The following ARMC9 variants were observed in gnomAD, a reference collection of about 807,000 sequenced individuals.
ARMC9 encodes the protein armadillo repeat containing 9.
In ARMC9, 94 loss-of-function variants were observed where a neutral mutation model predicts 107.0. The observed-to-expected ratio is 0.88, with a 90% CI of 0.74 to 1.04. The LOEUF (loss-of-function observed/expected upper bound fraction) is 1.04. ARMC9 is among the 50% of genes least tolerant of loss of function. ARMC9 has a pLI of 0.00. For missense variants in ARMC9, 942 were observed against 1,030.1 expected (o/e 0.91, Z 1.17); for synonymous variants, 380 against 396.9 (o/e 0.96, Z 0.51).
At chr2:231,258,773 C>T (rs928520200) in intron 10 of ARMC9, among the ~76,000 whole-genome samples, 2 of 152,102 alleles carry the variant, frequency 1.3e-5, no homozygotes, top group African/African-American at 4.8e-5. Flanking sequence ...AAATGTTAAA[C>T]AGAACCTAAG....
In ARMC9 at chr2:231,358,001, T is replaced by A. The variant is rs1333699315; in HGVS notation, c.2131+2067T>A. ...GCTTGGAGTAGATTCCATTCTGACCTTCTTTCAGACAGGCCTGCCCACGGC... is the reference window on the plus strand; with the variant it reads ...GCTTGGAGTAGATTCCATTCTGACCATCTTTCAGACAGGCCTGCCCACGGC... On this transcript the variant is annotated intron_variant, in intron 22 of 24. Coordinates refer to ENST00000611582, the MANE Select transcript of ARMC9 (RefSeq NM_001352754.2). The surrounding 1 kb of genome is among the most constrained non-coding windows in gnomAD (Gnocchi z 4.5). Among the ~76,000 whole-genome samples, 1 of 152,208 alleles carries A rather than the reference T, an allele frequency of 6.6e-6. No homozygotes were observed. The highest frequency in any genetic ancestry group is 1.5e-5 in the Non-Finnish European group (1 of 68,030).
chr2:231,331,562 C>G (rs1247758443), intron 19 of ARMC9, among the ~76,000 whole-genome samples: 2 of 152,124 alleles, frequency 1.3e-5, no homozygotes, highest in African/African-American at 4.8e-5. Flanking sequence ...GTGGAGGCTC[C>G]CTAGCTCCCT....
rs113556309 is a variant in ARMC9, at chr2:231,374,791, T to G, written c.*3256T>G. 1 of 152,316 alleles carries G rather than the reference T, an allele frequency of 6.6e-6. No homozygotes were observed. Among genetic ancestry groups the G allele is most frequent in the African/African-American group, 2.4e-5 (1 of 41,578 alleles). The allele number at this position is 152,316 out of a possible 1,614,324, so 9.4% of individuals were successfully genotyped here. ...GGGACGTGGACCAGAGATACCAATT[T>G]GATTTTTTTTAAATATTACATTAAA... On this transcript the variant is annotated 3_prime_UTR_variant, in exon 25 of 25. Transcript: ENST00000611582.
intron 23 of ARMC9, among the ~76,000 whole-genome samples, chr2:231,361,718 C>T (rs771332306): frequency 6.6e-6 from 1 of 152,138 alleles, no homozygotes; most frequent in Non-Finnish European, 1.5e-5. Context: ...TGCCCCTCAC[C>T]ACTTCCTCCT....
chr2:231,341,570 G>C (rs530375252), intron 20 of ARMC9, among the ~76,000 whole-genome samples: 6 of 152,276 alleles, frequency 3.9e-5, no homozygotes, highest in Non-Finnish European at 8.8e-5. Flanking sequence ...TGCTAACAGT[G>C]TCTGCCTCCC....
intron 1 of ARMC9, among the ~76,000 whole-genome samples, chr2:231,202,628 A>T (rs1393761065): frequency 3.3e-5 from 5 of 151,792 alleles, no homozygotes; most frequent in Non-Finnish European, 7.4e-5. Flanking sequence ...AGCCTGTTTC[A>T]CTTCTAATCA....
At position 231,207,181 on chromosome 2, in the gene ARMC9, T is replaced by C. The variant is rs181055383; in HGVS notation, c.51+892T>C. On this transcript the variant is annotated intron_variant, in intron 2 of 24. Transcript: ENST00000611582. Reference sequence around the variant, plus strand: ...CACCATGCTCAGCTAGGTTTTATTCTAATTTTTGTAGAGATAGGATCTCAC... The same window carrying C: ...CACCATGCTCAGCTAGGTTTTATTCCAATTTTTGTAGAGATAGGATCTCAC... Among the ~76,000 whole-genome samples the C allele has an allele frequency of 9.2e-5, 14 of 152,180 alleles. No individual in the cohort carries two copies. The East Asian group carries it at 2.7e-3, about 30-fold the overall frequency.
Position 231,205,660 on chromosome 2 carries a change from A to C in ARMC9, c.-41-538A>C, listed in dbSNP as rs72983657. Among the ~76,000 whole-genome samples, 749 of 152,302 alleles carry C rather than the reference A, an allele frequency of 4.9e-3. 6 individuals are homozygous for C. Among genetic ancestry groups the C allele is most frequent in the Non-Finnish European group, 7.0e-3 (478 of 68,034 alleles). On this transcript the variant is annotated intron_variant, in intron 1 of 24. Transcript: ENST00000611582. ...ATTTCCTAGTGCCGCTGAACAAATGACCATAAACTGAGTGGTGTCAAGCAA... is the reference window on the plus strand; with the variant it reads ...ATTTCCTAGTGCCGCTGAACAAATGCCCATAAACTGAGTGGTGTCAAGCAA...
intron 20 of ARMC9, among the ~76,000 whole-genome samples, chr2:231,335,712 CT>C (rs2044043990): frequency 6.6e-6 from 1 of 152,194 alleles, no homozygotes; most frequent in Non-Finnish European, 1.5e-5. Context: ...AGACTGCTGA[CT>C]TTCCTCCTGC....
At position 231,360,765 on chromosome 2, in the gene ARMC9, G is replaced by A. The variant is rs748686282; in HGVS notation, c.2143G>A (p.Ala715Thr). The A allele has an allele frequency of 3.5e-5, 53 of 1,536,164 alleles. No individual in the cohort carries two copies. The highest frequency in any genetic ancestry group is 1.2e-4 in the South Asian group (10 of 84,066). The stretch of plus-strand genomic sequence containing the variant: ...CTCCTCCTCCCCAGCAGCCATCATC[G>A]CCAAGCCAGGAGAGTGGCTCCCAAG... ...SCVSSSSAII[A>T]KPGEWLPRGR... Residue 715 changes from alanine to threonine, a missense_variant, in exon 23 of 25, where the codon GCC becomes ACC. Transcript: ENST00000611582. The surrounding 1 kb of genome is among the most constrained non-coding windows in gnomAD (Gnocchi z 4.7).
In ARMC9 at chr2:231,267,420, G is replaced by A. The variant is rs553569440; in HGVS notation, c.1120-3562G>A. Among the ~76,000 whole-genome samples the A allele has an allele frequency of 2.0e-5, 3 of 152,166 alleles. No individual in the cohort carries two copies. In the South Asian group the frequency reaches 6.2e-4, roughly 32 times the overall value. On this transcript the variant is annotated intron_variant, in intron 12 of 24. Coordinates refer to ENST00000611582, the MANE Select transcript of ARMC9 (RefSeq NM_001352754.2). ...TAATTGTTGTATTTTTATTGGAGATGGGGTTTCGCCATGTTGGCCAGGCTG... is the reference window on the plus strand; with the variant it reads ...TAATTGTTGTATTTTTATTGGAGATAGGGTTTCGCCATGTTGGCCAGGCTG...
chr2:231,245,055 G>GA (rs1466986388), intron 9 of ARMC9, among the ~76,000 whole-genome samples: 2 of 152,338 alleles, frequency 1.3e-5, no homozygotes, highest in East Asian at 3.9e-4. Flanking sequence ...CCGTGTTATC[G>GA]AAGCTGGCAC....
intron 8 of ARMC9, among the ~76,000 whole-genome samples, chr2:231,236,761 TG>T (rs1057236872): frequency 1.4e-4 from 22 of 152,170 alleles, no homozygotes; most frequent in Admixed American, 1.4e-3. Flanking sequence ...CCGGCCAACA[TG>T]GCGAAACCCC....
chr2:231,276,220 C>CT (rs1339565573), intron 14 of ARMC9, among the ~76,000 whole-genome samples: 1 of 151,414 alleles, frequency 6.6e-6, no homozygotes, highest in Admixed American at 6.6e-5. Flanking sequence ...TCCTCAGAGT[C>CT]TATGTCTTCT....
In ARMC9 at chr2:231,344,859, T is replaced by G. The variant is rs578164023; in HGVS notation, c.1879-116T>G. 41 of 1,060,394 alleles carry G rather than the reference T, an allele frequency of 3.9e-5. 1 individual carries two copies. In the South Asian group the frequency reaches 5.9e-4, roughly 15 times the overall value. 65.7% of individuals were successfully genotyped at this position (1,060,394 alleles called of 1,614,324 possible). ...ATTTGTGACATGATCCTTCCTCATT[T>G]ATTTGCAAAGCTTCTTATCATTATA... On this transcript the variant is annotated intron_variant, in intron 20 of 24. Coordinates refer to ENST00000611582, the MANE Select transcript of ARMC9 (RefSeq NM_001352754.2).
intron 8 of ARMC9, among the ~76,000 whole-genome samples, chr2:231,237,775 ATATATATTTTTTTTTTTTTTT>A (rs1420100541): frequency 1.5e-4 from 6 of 40,786 alleles, no homozygotes; most frequent in Admixed American, 3.9e-4. Flanking sequence ...ATATATATAT[ATATATATTTTTTTTTTTTTTT>A]TTTTTTTTTT....
At chr2:231,224,978 G>A (rs957100114) in intron 6 of ARMC9, among the ~76,000 whole-genome samples, 3 of 152,218 alleles carry the variant, frequency 2.0e-5, no homozygotes, top group Admixed American at 2.0e-4. Context: ...ACTAGGCAGG[G>A]CCTAGGTCAT....
At chr2:231,356,525 C>CT (rs2045351691) in intron 22 of ARMC9, among the ~76,000 whole-genome samples, 1 of 152,170 alleles carries the variant, frequency 6.6e-6, no homozygotes, top group South Asian at 2.1e-4. Context: ...AGATAAGACT[C>CT]TAATTTCCAT....
chr2:231,267,054 T>C (rs537813481), intron 12 of ARMC9, among the ~76,000 whole-genome samples: 1 of 152,314 alleles, frequency 6.6e-6, no homozygotes, highest in Non-Finnish European at 1.5e-5. Flanking sequence ...TGAAGTTAGC[T>C]AGGAGAAGAT....
Sources: gnomAD v4.1 joint callset for allele counts (sites outside exome capture counted in the v4.1 genomes callset) on GRCh38, gnomAD v4.1.1 for gene constraint, Gnocchi (gnomAD v3.1) non-coding constraint, MANE v1.5 for transcripts, NCBI Gene and HGNC (gene_info 2026-07-23, HGNC 2026-07-21) for gene names.